GLRX3: variants seen among roughly 807,000 people sequenced by gnomAD.
The protein encoded by GLRX3 is glutaredoxin 3, also known as glutaredoxin-3.
Under a neutral mutation model 49.5 loss-of-function variants are expected in GLRX3, and 22 were observed. The ratio of observed to expected loss-of-function variants is 0.44; its 90% confidence interval spans 0.32 to 0.63. The LOEUF is 0.63. Ranked by LOEUF, GLRX3 falls within the 30% of genes least tolerant of loss-of-function variation. GLRX3 has a pLI of 0.05. For synonymous variants in GLRX3, 133 were observed against 140.0 expected (o/e 0.95, Z 0.35); for missense variants, 385 against 396.3 (o/e 0.97, Z 0.24).
chr10:130,169,198 T>A (rs1006734087), intron 6 of GLRX3, among the ~76,000 whole-genome samples: 6 of 152,228 alleles, frequency 3.9e-5, no homozygotes, highest in African/African-American at 1.4e-4. Flanking sequence ...GTTGATGGGC[T>A]TAAATTGCAA....
intron 10 of GLRX3, among the ~76,000 whole-genome samples, chr10:130,176,837 C>T (rs1565001546): frequency 7.4e-6 from 1 of 135,172 alleles, no homozygotes; most frequent in Non-Finnish European, 1.5e-5. Context: ...ACAAAGAATA[C>T]TCAAACCCCA....
intron 1 of GLRX3, among the ~76,000 whole-genome samples, chr10:130,141,872 G>A (rs991132274): frequency 2.6e-5 from 4 of 152,204 alleles, no homozygotes; most frequent in African/African-American, 9.6e-5. Context: ...ATGGTGGGCA[G>A]AGGCTCCTGA....
chr10:130,173,499 T>C (rs949137787), intron 8 of GLRX3, among the ~76,000 whole-genome samples: 24 of 152,212 alleles, frequency 1.6e-4, no homozygotes, highest in African/African-American at 5.8e-4. Context: ...TATCTTTTCC[T>C]TTAGTAGCCA....
chr10:130,145,061 G>T, intron 1 of GLRX3, 150 bp from the exon 2 acceptor site: 1 of 463,662 alleles, frequency 2.2e-6, no homozygotes, highest in South Asian at 4.6e-5. Flanking sequence ...TTATGTTCCA[G>T]TGTTGTATAC....
intron 1 of GLRX3, among the ~76,000 whole-genome samples, chr10:130,140,145 A>G (rs568646466): frequency 1.3e-5 from 2 of 152,216 alleles, no homozygotes; most frequent in East Asian, 1.9e-4. Flanking sequence ...CAGGTTTAGT[A>G]TATGATATGT....
In GLRX3 at chr10:130,136,634, G is replaced by T. The variant is rs1339148230; in HGVS notation, c.92+122G>T. ...TTGGTGCCCGGCTCCCTTCGGCCTC[G>T]GGGGACCGGGCCCGGCGCCACCCGT... On this transcript the variant is annotated intron_variant, in intron 1 of 10. Transcript: ENST00000331244. 9.5e-6 allele frequency: 11 copies of T among 1,158,484 alleles called. No individual in the cohort carries two copies. The East Asian group carries it at 3.5e-4, about 37-fold the overall frequency. The allele number at this position is 1,158,484 out of a possible 1,614,324, so 71.8% of individuals were successfully genotyped here.
At chr10:130,168,648 G>A (rs1339586081) in intron 6 of GLRX3, among the ~76,000 whole-genome samples, 6 of 152,082 alleles carry the variant, frequency 3.9e-5, no homozygotes, top group Admixed American at 1.3e-4. Flanking sequence ...GGGTTTCACC[G>A]TGTTTTGCCA....
chr10:130,141,313 T>A (rs1042100861), intron 1 of GLRX3, among the ~76,000 whole-genome samples: 10 of 149,730 alleles, frequency 6.7e-5, no homozygotes, highest in South Asian at 2.1e-4. Flanking sequence ...AAAAAAAAAA[T>A]TTTTTTTTTG....
chr10:130,146,293 T>C (rs1003523650), intron 2 of GLRX3, among the ~76,000 whole-genome samples: 2 of 152,066 alleles, frequency 1.3e-5, no homozygotes, highest in Non-Finnish European at 2.9e-5. Flanking sequence ...CAGGAAGGGG[T>C]ATGTAAATGC....
intron 10 of GLRX3, among the ~76,000 whole-genome samples, chr10:130,177,740 TAGA>T (rs1257152937): frequency 2.0e-5 from 3 of 152,144 alleles, no homozygotes; most frequent in Non-Finnish European, 4.4e-5. Flanking sequence ...GTTGAGTAGG[TAGA>T]AGAAGATCCC....
Position 130,154,630 on chromosome 10 carries a change from T to C in GLRX3, c.202-5365T>C, listed in dbSNP as rs553346395. Among the ~76,000 whole-genome samples the C allele has an allele frequency of 1.2e-3, 180 of 152,230 alleles. 1 individual carries two copies. The highest frequency in any genetic ancestry group is 2.3e-3 in the South Asian group (11 of 4,818). ...AGCCTCTTTTGGAGGTTTAGCCAAA[T>C]GTTCCTGAATAGCAGGTTTAAGTGT... On this transcript the variant is annotated intron_variant, in intron 2 of 10. Transcript: ENST00000331244.
intron 2 of GLRX3, among the ~76,000 whole-genome samples, chr10:130,159,457 TC>T (rs1400152192): frequency 6.6e-6 from 1 of 152,236 alleles, no homozygotes; most frequent in Non-Finnish European, 1.5e-5. Context: ...CTGCCTAGTG[TC>T]CAGCAGCCTT....
intron 3 of GLRX3, 45 bp from the exon 4 acceptor site, chr10:130,160,751 A>G: frequency 9.5e-7 from 1 of 1,048,964 alleles, no homozygotes; most frequent in Non-Finnish European, 1.5e-6. Context: ...CAATGTCATT[A>G]TTATGGAATG....
intron 7 of GLRX3, among the ~76,000 whole-genome samples, chr10:130,170,610 A>AT (rs892522638): frequency 1.1e-4 from 17 of 151,760 alleles, no homozygotes; most frequent in African/African-American, 3.9e-4. Flanking sequence ...ATAAAGTGAC[A>AT]TTTTTTCTTA....
In GLRX3 at chr10:130,151,201, C is replaced by T. The variant is rs147106291; in HGVS notation, c.201+5882C>T. Among the ~76,000 whole-genome samples the T allele has an allele frequency of 9.2e-3, 1,408 of 152,218 alleles. 18 individuals carry two copies. The highest frequency in any genetic ancestry group is 0.032 in the African/African-American group (1,341 of 41,516). On this transcript the variant is annotated intron_variant, in intron 2 of 10. Transcript: ENST00000331244. ...TCGGCCTCCCAAAGTGCTGGGATTA[C>T]AGGCATGAGCCATCGTGCCCGGCTC...
intron 1 of GLRX3, among the ~76,000 whole-genome samples, chr10:130,140,200 A>G (rs901906133): frequency 3.9e-5 from 6 of 152,234 alleles, no homozygotes. Flanking sequence ...TAGTAGCAGA[A>G]TACTATAATA....
At chr10:130,173,059 A>G (rs896200861) in intron 8 of GLRX3, among the ~76,000 whole-genome samples, 11 of 152,336 alleles carry the variant, frequency 7.2e-5, no homozygotes, top group Admixed American at 2.0e-4. Context: ...GCCCTGGGCC[A>G]TACAGTGGGG....
Position 130,174,899 on chromosome 10 carries a change from A to T in GLRX3, c.857A>T (p.Asp286Val). The part of the protein sequence containing the change: ...VEYETFDILE[D>V]EEVRQGLKAY... Reference sequence around the variant, plus strand: ...TATGAAACATTCGATATATTGGAGGATGAAGAAGTAAGTTCTGTGTTTGAT... The same window carrying T: ...TATGAAACATTCGATATATTGGAGGTTGAAGAAGTAAGTTCTGTGTTTGAT... Residue 286 changes from aspartate to valine, a missense_variant, in exon 9 of 11, where the codon GAT (aspartate) becomes GTT (valine). Physicochemically the swap from Asp to Val is radical, Grantham distance 152. This residue lies in a region of GLRX3 where 374 missense variants were observed against 358.6 expected (regional missense o/e 1.04). Coordinates refer to ENST00000331244, the MANE Select transcript of GLRX3 (RefSeq NM_006541.5). The T allele has an allele frequency of 1.9e-6, 3 of 1,598,450 alleles. No homozygotes were observed. Among genetic ancestry groups the T allele is most frequent in the Non-Finnish European group, 2.6e-6 (3 of 1,165,714 alleles).
intron 4 of GLRX3, among the ~76,000 whole-genome samples, chr10:130,165,935 A>G (rs947160522): frequency 1.3e-5 from 2 of 152,228 alleles, no homozygotes; most frequent in Non-Finnish European, 2.9e-5. Flanking sequence ...GAGGCCACCC[A>G]TGGCCTCATC....
Sources: allele counts gnomAD v4.1 joint callset (sites outside exome capture counted in the v4.1 genomes callset), GRCh38; gene constraint gnomAD v4.1.1; regional missense constraint gnomAD v4.1.1; transcripts MANE v1.5; gene names NCBI Gene and HGNC (gene_info 2026-07-23, HGNC 2026-07-21).